The following DENND1A variants were observed in gnomAD, a reference collection of about 807,000 sequenced individuals.
DENND1A encodes the protein DENN domain containing 1A.
DENND1A carries 51 observed loss-of-function variants against 113.7 expected under a neutral mutation model. The observed-to-expected ratio is 0.45, with a 90% CI of 0.36 to 0.57. DENND1A has a LOEUF of 0.57. Ranked by LOEUF, DENND1A falls within the 20% of genes least tolerant of loss-of-function variation. The pLI, the probability that DENND1A is intolerant of heterozygous loss-of-function variation, is 0.00. For missense variants in DENND1A, 1,258 were observed against 1,395.9 expected (o/e 0.90, Z 1.57); for synonymous variants, 565 against 570.8 (o/e 0.99, Z 0.14).
chr9:123,648,168 A>G (rs1363720454), intron 9 of DENND1A, among the ~76,000 whole-genome samples: 1 of 152,128 alleles, frequency 6.6e-6, no homozygotes, highest in Non-Finnish European at 1.5e-5. Flanking sequence ...CAAAGCCATG[A>G]TCCTGGGCTC....
intron 15 of DENND1A, among the ~76,000 whole-genome samples, chr9:123,456,150 G>A (rs886325750): frequency 6.6e-6 from 1 of 151,976 alleles, no homozygotes; most frequent in African/African-American, 2.4e-5. Flanking sequence ...AGGCTGGGAG[G>A]GCCTGCAATG....
At chr9:123,441,336 G>A (rs1000582868) in intron 18 of DENND1A, among the ~76,000 whole-genome samples, 2 of 152,164 alleles carry the variant, frequency 1.3e-5, no homozygotes, top group Non-Finnish European at 2.9e-5. Context: ...TACTGATGAT[G>A]TTGTTGTTTG....
intron 1 of DENND1A, among the ~76,000 whole-genome samples, chr9:123,906,720 T>A (rs1588181197): frequency 1.7e-5 from 1 of 57,198 alleles, no homozygotes; most frequent in Admixed American, 1.9e-4. Context: ...TAATCAATAG[T>A]TTACCAACCA....
At chr9:123,584,309 A>G (rs943377644) in intron 11 of DENND1A, among the ~76,000 whole-genome samples, 2 of 152,264 alleles carry the variant, frequency 1.3e-5, no homozygotes, top group African/African-American at 4.8e-5. Context: ...GTCACTGCAT[A>G]TAAAGGATCA....
chr9:123,893,175 T>A (rs1478911295), intron 1 of DENND1A, among the ~76,000 whole-genome samples: 1 of 151,576 alleles, frequency 6.6e-6, no homozygotes, highest in Admixed American at 6.6e-5. Flanking sequence ...AAGATAGATA[T>A]GATTATCATC....
At chr9:123,817,116 T>C (rs1837624556) in intron 2 of DENND1A, among the ~76,000 whole-genome samples, 1 of 152,204 alleles carries the variant, frequency 6.6e-6, no homozygotes, top group Non-Finnish European at 1.5e-5. Context: ...CCGATGGTAA[T>C]GTTACCCAAT....
chr9:123,758,702 T>C (rs2070781457), intron 4 of DENND1A, among the ~76,000 whole-genome samples: 1 of 152,206 alleles, frequency 6.6e-6, no homozygotes, highest in South Asian at 2.1e-4. Context: ...GCTAAAAATA[T>C]ATCAATACAA....
At chr9:123,909,130 T>C (rs900208831) in intron 1 of DENND1A, among the ~76,000 whole-genome samples, 21 of 151,376 alleles carry the variant, frequency 1.4e-4, no homozygotes, top group Admixed American at 7.2e-4. Context: ...TTCTCACTCA[T>C]AGGTGGGAAA....
In DENND1A at chr9:123,888,232, G is replaced by C. The variant is rs148049053; in HGVS notation, c.18-9211C>G. ...AAGAATGATGGGGATACATTGAAGG[G>C]ACACGGGAGCAAGCCTGAAAGGGCT... On this transcript the variant is annotated intron_variant, in intron 1 of 23. Coordinates refer to ENST00000394215, the MANE Select transcript of DENND1A (RefSeq NM_001352964.2). Among the ~76,000 whole-genome samples the C allele has an allele frequency of 6.6e-5, 10 of 152,294 alleles. No individual in the cohort carries two copies. The East Asian group carries it at 1.7e-3, about 26-fold the overall frequency.
At chr9:123,497,373 G>A (rs1250532839) in intron 13 of DENND1A, among the ~76,000 whole-genome samples, 1 of 152,212 alleles carries the variant, frequency 6.6e-6, no homozygotes, top group Non-Finnish European at 1.5e-5. Context: ...CTGGAGAGTA[G>A]TGGGCATGAT....
At chr9:123,697,003 C>T (rs1029604030) in intron 5 of DENND1A, among the ~76,000 whole-genome samples, 1 of 152,124 alleles carries the variant, frequency 6.6e-6, no homozygotes, top group Non-Finnish European at 1.5e-5. Context: ...GCCACTGTGC[C>T]GGTTAAATTT....
rs544240971 is a variant in DENND1A, at chr9:123,521,286, G to T, written c.993+36284C>A. On this transcript the variant is annotated intron_variant, in intron 13 of 23. Transcript: ENST00000394215. ...GATTCTTGGAGTATTATCATGAAAG[G>T]TTTCAAATACATATGCAACACCCAT... Among the ~76,000 whole-genome samples, 51 of 152,280 alleles carry T rather than the reference G, an allele frequency of 3.3e-4. 2 individuals carry two copies. In the South Asian group the frequency reaches 9.5e-3, roughly 28 times the overall value.
intron 1 of DENND1A, among the ~76,000 whole-genome samples, chr9:123,894,917 G>A (rs1850483809): frequency 6.6e-6 from 1 of 152,198 alleles, no homozygotes; most frequent in Non-Finnish European, 1.5e-5. Context: ...ACTGGGTTTG[G>A]CTAGGTGGAG....
At chr9:123,674,342 T>TCTCACACACACACA (rs36033303) in intron 6 of DENND1A, among the ~76,000 whole-genome samples, 1 of 132,300 alleles carries the variant, frequency 7.6e-6, no homozygotes, top group Admixed American at 7.7e-5. Flanking sequence ...TGTCTCTCTC[T>TCTCACACACACACA]CACACACACA....
chr9:123,767,915 C>T (rs574095835), intron 4 of DENND1A, among the ~76,000 whole-genome samples: 1 of 152,278 alleles, frequency 6.6e-6, no homozygotes, highest in East Asian at 1.9e-4. Context: ...TAAAACATTT[C>T]AGTTTTATTA....
intron 19 of DENND1A, among the ~76,000 whole-genome samples, chr9:123,435,313 A>C (rs1187229804): frequency 6.6e-6 from 1 of 152,150 alleles, no homozygotes; most frequent in Admixed American, 6.5e-5. Context: ...TGGGATTGGC[A>C]CTAAATGACC....
intron 2 of DENND1A, among the ~76,000 whole-genome samples, chr9:123,878,602 T>C (rs1233314365): frequency 6.6e-6 from 1 of 152,204 alleles, no homozygotes; most frequent in Admixed American, 6.5e-5. Flanking sequence ...AATTCTACCA[T>C]TAGATTGGTA....
chr9:123,475,448 G>A (rs879815371), intron 13 of DENND1A, among the ~76,000 whole-genome samples: 2 of 152,284 alleles, frequency 1.3e-5, no homozygotes, highest in Non-Finnish European at 2.9e-5. Context: ...ATACCTTTTC[G>A]GCAGGTCTAG....
At chr9:123,559,667 T>C (rs949549409) in intron 12 of DENND1A, among the ~76,000 whole-genome samples, 5 of 152,232 alleles carry the variant, frequency 3.3e-5, no homozygotes, top group African/African-American at 1.2e-4. Context: ...AAACTTTTAA[T>C]AGCTTATTGA....
Sources: gnomAD v4.1 joint callset for allele counts (sites outside exome capture counted in the v4.1 genomes callset) on GRCh38, gnomAD v4.1.1 for gene constraint, MANE v1.5 for transcripts, NCBI Gene and HGNC (gene_info 2026-07-23, HGNC 2026-07-21) for gene names.